The following RAB28 variants were observed in gnomAD, a reference collection of about 807,000 sequenced individuals.
RAB28 encodes the protein RAB28, member RAS oncogene family, also known as ras-related protein Rab-28.
Under a neutral mutation model 31.7 loss-of-function variants are expected in RAB28, and 24 were observed. The observed-to-expected ratio is 0.76, with a 90% CI of 0.55 to 1.06. The LOEUF is 1.06. Ranked by LOEUF, RAB28 falls within the 50% of genes least tolerant of loss-of-function variation. The probability of loss-of-function intolerance (pLI) is 0.00; values close to 1 mark genes in which losing one functional copy is unlikely to be tolerated. For missense variants in RAB28, 254 were observed against 258.5 expected, an observed-to-expected ratio of 0.98 and a Z score of 0.12; for synonymous variants, 100 against 90.4, an observed-to-expected ratio of 1.11 and a Z score of -0.60.
At chr4:13,464,242 G>C (rs1715735923) in intron 3 of RAB28, among the ~76,000 whole-genome samples, 1 of 152,042 alleles carries the variant, frequency 6.6e-6, no homozygotes, top group Admixed American at 6.6e-5. Context: ...TATCAGTAAA[G>C]AGCCAAGAAA....
intron 2 of RAB28, among the ~76,000 whole-genome samples, chr4:13,474,916 T>C (rs1054796230): frequency 1.3e-5 from 2 of 151,754 alleles, no homozygotes; most frequent in South Asian, 2.1e-4. Flanking sequence ...CTTTTTATAA[T>C]GTGATTGTCA....
chr4:13,371,742 T>TA, intron 6 of RAB28: 1 of 1,544,872 alleles, frequency 6.5e-7, no homozygotes. Flanking sequence ...TCAGCTTATT[T>TA]AAAAGCCATT....
chr4:13,455,511 C>A (rs1400123687), intron 4 of RAB28, among the ~76,000 whole-genome samples: 10 of 152,166 alleles, frequency 6.6e-5, no homozygotes, highest in Admixed American at 6.5e-4. Flanking sequence ...AAGATGGAAT[C>A]CCAGTGCTGG....
intron 4 of RAB28, among the ~76,000 whole-genome samples, chr4:13,429,989 T>C (rs1416047211): frequency 6.6e-6 from 1 of 152,114 alleles, no homozygotes; most frequent in Non-Finnish European, 1.5e-5. Flanking sequence ...GACAGACATA[T>C]AGGTCAATGA....
At chr4:13,475,765 C>G (rs1431047654) in intron 2 of RAB28, among the ~76,000 whole-genome samples, 1 of 151,454 alleles carries the variant, frequency 6.6e-6, no homozygotes, top group Non-Finnish European at 1.5e-5. Context: ...ATATGAAAAC[C>G]AAAATGTCAC....
chr4:13,479,537 G>C lies in RAB28; in HGVS notation c.76-11C>G. ...CGTAGTTAAGGAGGTCTAAAAAATT[G>C]ATGCACAGAATGTCAAAATTAATTC... On this transcript the variant is annotated splice_polypyrimidine_tract_variant and intron_variant, in intron 1 of 6. Transcript: ENST00000330852. 1 of 1,514,092 alleles carries C rather than the reference G, an allele frequency of 6.6e-7. No homozygotes were observed. The allele number at this position is 1,514,092 out of a possible 1,614,324, so 93.8% of individuals were successfully genotyped here.
intron 4 of RAB28, among the ~76,000 whole-genome samples, chr4:13,408,888 T>C (rs979187756): frequency 2.0e-5 from 3 of 152,198 alleles, no homozygotes; most frequent in Admixed American, 1.3e-4. Flanking sequence ...TTAAATAATT[T>C]GCCATGCTAA....
chr4:13,453,542 C>A (rs1251592796), intron 4 of RAB28, among the ~76,000 whole-genome samples: 1 of 152,044 alleles, frequency 6.6e-6, no homozygotes, highest in African/African-American at 2.4e-5. Context: ...AGTCTGGTGA[C>A]AATGAATTCT....
chr4:13,368,651 C>A lies in RAB28; in HGVS notation c.574-1G>T, dbSNP rs754155500. 2 of 1,607,792 alleles carry A rather than the reference C, an allele frequency of 1.2e-6. No individual in the cohort carries two copies. The highest frequency in any genetic ancestry group is 2.7e-5 in the African/African-American group (2 of 74,524). On this transcript the variant is annotated splice_acceptor_variant, in intron 6 of 6. Transcript: ENST00000330852. LOFTEE classifies it high-confidence loss of function. Reference sequence around the variant, plus strand: ...TTACAATATCTGCCTTCACCACCCTCTGTCATAAAAGAAAACAGAGTTATT... The same window carrying A: ...TTACAATATCTGCCTTCACCACCCTATGTCATAAAAGAAAACAGAGTTATT...
chr4:13,468,132 G>T (rs73817408), intron 3 of RAB28, among the ~76,000 whole-genome samples: 8,503 of 151,946 alleles, frequency 0.056, 539 homozygotes, highest in African/African-American at 0.16. Flanking sequence ...TGACAGAACT[G>T]CAAGGAGTTC....
At chr4:13,415,320 C>T (rs904203842) in intron 4 of RAB28, among the ~76,000 whole-genome samples, 5 of 152,304 alleles carry the variant, frequency 3.3e-5, no homozygotes, top group Admixed American at 3.3e-4. Flanking sequence ...AGGAAGTGCC[C>T]GCCGCTGGGC....
intron 4 of RAB28, among the ~76,000 whole-genome samples, chr4:13,421,076 T>C (rs916551690): frequency 1.3e-5 from 2 of 152,136 alleles, no homozygotes; most frequent in Admixed American, 6.5e-5. Context: ...ACAAAATCAA[T>C]GTGCAAAAAT....
chr4:13,410,393 C>T (rs1339729153), intron 4 of RAB28, among the ~76,000 whole-genome samples: 3 of 152,078 alleles, frequency 2.0e-5, no homozygotes, highest in Non-Finnish European at 4.4e-5. Context: ...TACCTACCTA[C>T]CATTAGAAGC....
intron 4 of RAB28, among the ~76,000 whole-genome samples, chr4:13,401,394 G>A (rs941928259): frequency 1.9e-4 from 29 of 152,160 alleles, no homozygotes; most frequent in African/African-American, 7.0e-4. Context: ...GGAGCTAGGG[G>A]AGGGATAGCA....
chr4:13,432,423 G>A (rs574295889), intron 4 of RAB28, among the ~76,000 whole-genome samples: 2 of 152,172 alleles, frequency 1.3e-5, no homozygotes, highest in South Asian at 2.1e-4. Context: ...AACATCCAGA[G>A]AAAGGAATTA....
At chr4:13,392,213 C>T (rs1466038864) in intron 4 of RAB28, among the ~76,000 whole-genome samples, 1 of 152,032 alleles carries the variant, frequency 6.6e-6, no homozygotes, top group African/African-American at 2.4e-5. Context: ...TGGATAACTT[C>T]CAGGATAAAG....
At chr4:13,444,043 A>C in intron 4 of RAB28, among the ~76,000 whole-genome samples, 1 of 112,622 alleles carries the variant, frequency 8.9e-6, no homozygotes, top group Admixed American at 9.7e-5. Flanking sequence ...TCTTTTTTTT[A>C]TCATGACGGA....
chr4:13,428,089 G>T (rs1713609831), intron 4 of RAB28, among the ~76,000 whole-genome samples: 1 of 152,166 alleles, frequency 6.6e-6, no homozygotes, highest in South Asian at 2.1e-4. Flanking sequence ...CAGAACAGGG[G>T]TTTTCACAAT....
chr4:13,448,545 CT>C (rs1215838243), intron 4 of RAB28, among the ~76,000 whole-genome samples: 1 of 152,030 alleles, frequency 6.6e-6, no homozygotes, highest in East Asian at 1.9e-4. Flanking sequence ...AAAAAAGTAA[CT>C]ATGAAATAAC....
Sources: gnomAD v4.1 joint callset for allele counts (sites outside exome capture counted in the v4.1 genomes callset) on GRCh38, gnomAD v4.1.1 for gene constraint, MANE v1.5 for transcripts, NCBI Gene and HGNC (gene_info 2026-07-23, HGNC 2026-07-21) for gene names.